Variants in LYRM1 observed in about 807,000 individuals in gnomAD.
LYRM1 encodes the protein LYR motif-containing protein 1.
A neutral mutation model predicts 14.9 loss-of-function variants in LYRM1; 14 were observed. The ratio of observed to expected loss-of-function variants is 0.94; its 90% CI spans 0.62 to 1.47. The LOEUF (loss-of-function observed/expected upper bound fraction) is 1.47. LYRM1 is among the 40% of genes most tolerant of loss of function. The pLI, the probability that LYRM1 is intolerant of heterozygous loss-of-function variation, is 0.00. For synonymous variants in LYRM1, 43 were observed against 56.2 expected (o/e 0.77, Z 1.05); for missense variants, 153 against 149.9 (o/e 1.02, Z -0.11).
intron 1 of LYRM1, among the ~76,000 whole-genome samples, chr16:20,902,940 G>A (rs920887322): frequency 4.6e-5 from 7 of 152,108 alleles, no homozygotes; most frequent in African/African-American, 1.7e-4. Flanking sequence ...TGCCACTGCT[G>A]CCAAGCCCAC....
At chr16:20,912,938 C>T (rs1250530940) in intron 1 of LYRM1, among the ~76,000 whole-genome samples, 6 of 151,764 alleles carry the variant, frequency 4.0e-5, no homozygotes, top group Non-Finnish European at 7.4e-5. Flanking sequence ...TGATGGTGCG[C>T]ACCTGTAATC....
chr16:20,909,112 G>A (rs1301038152), intron 1 of LYRM1, among the ~76,000 whole-genome samples: 4 of 152,068 alleles, frequency 2.6e-5, no homozygotes, highest in Admixed American at 1.3e-4. Context: ...TGGCATTAGG[G>A]GACACATCTC....
At chr16:20,915,499 C>T in intron 1 of LYRM1, 57 bp from the exon 2 acceptor site, 1 of 1,505,088 alleles carries the variant, frequency 6.6e-7, no homozygotes, top group South Asian at 1.2e-5. Flanking sequence ...CCTGGTGCCT[C>T]CTGTCAAGTT....
intron 1 of LYRM1, among the ~76,000 whole-genome samples, chr16:20,912,953 C>T (rs2082670992): frequency 6.6e-6 from 1 of 151,834 alleles, no homozygotes; most frequent in South Asian, 2.1e-4. Context: ...GTAATCCCAG[C>T]TAATTGGGAG....
intron 1 of LYRM1, among the ~76,000 whole-genome samples, chr16:20,904,853 TG>T (rs1205828332): frequency 6.6e-6 from 1 of 151,922 alleles, no homozygotes; most frequent in Non-Finnish European, 1.5e-5. Flanking sequence ...AAGAGAAAAG[TG>T]CCCTGAGGGA....
intron 3 of LYRM1, among the ~76,000 whole-genome samples, chr16:20,923,651 C>G (rs1196183694): frequency 2.6e-5 from 4 of 152,182 alleles, no homozygotes; most frequent in African/African-American, 9.7e-5. Context: ...TTTGGATTCT[C>G]AACTTGCTAT....
intron 3 of LYRM1, chr16:20,921,720 A>G: frequency 9.3e-6 from 1 of 107,884 alleles, no homozygotes; most frequent in South Asian, 3.4e-4. Flanking sequence ...AAAAAAAAAA[A>G]AAAAAAAAAA....
In LYRM1 at chr16:20,923,295, T is replaced by A. The variant is rs1448285376; in HGVS notation, c.253-705T>A. On this transcript the variant is annotated intron_variant, in intron 3 of 3. Transcript: ENST00000567954. ...CAGGTGGATCACTTGAGGTCAGGAA[T>A]TCGAGACCAGCCTGGCTAACATGGC... 2.0e-5 allele frequency among the ~76,000 whole-genome samples: 3 copies of A among 151,996 alleles called. No homozygotes were observed. The East Asian group carries it at 5.8e-4, about 29-fold the overall frequency.
intron 1 of LYRM1, among the ~76,000 whole-genome samples, chr16:20,904,691 TTGTGTGTGTGTGTGTGTGTG>T (rs3841490): frequency 1.6e-4 from 22 of 141,148 alleles, no homozygotes; most frequent in African/African-American, 5.6e-4. Flanking sequence ...AAGTCTGTGG[TTGTGTGTGTGTGTGTGTGTG>T]TGTGTGTGTG....
intron 1 of LYRM1, among the ~76,000 whole-genome samples, chr16:20,911,948 G>A (rs774053939): frequency 2.0e-5 from 3 of 151,288 alleles, no homozygotes; most frequent in Non-Finnish European, 4.4e-5. Flanking sequence ...TTTGAGATGG[G>A]GTCTCACTCT....
chr16:20,909,271 GA>G (rs2082468184), intron 1 of LYRM1, among the ~76,000 whole-genome samples: 1 of 152,150 alleles, frequency 6.6e-6, no homozygotes, highest in Non-Finnish European at 1.5e-5. Flanking sequence ...TGATTTTTAA[GA>G]AAAGAGACCA....
At chr16:20,923,431 C>T (rs2083297582) in intron 3 of LYRM1, among the ~76,000 whole-genome samples, 2 of 145,820 alleles carry the variant, frequency 1.4e-5, no homozygotes, top group East Asian at 2.0e-4. Flanking sequence ...CCTGGGAGGC[C>T]GAGGTTGCAG....
rs530531381 is a variant in LYRM1 at position 20,921,500 on chromosome 16, A to G, written c.252+1286A>G. The G allele has an allele frequency of 2.6e-5, 4 of 152,112 alleles. No individual in the cohort carries two copies. In the East Asian group the frequency reaches 7.7e-4, roughly 29 times the overall value. The allele number at this position is 152,112 out of a possible 1,614,324, so 9.4% of individuals were successfully genotyped here. ...CTACAACCTCTGCCTTCCCAGTTCA[A>G]GTGATTCTCATTCCTCAACCTCTCG... is the stretch of plus-strand genomic sequence containing the variant. On this transcript the variant is annotated intron_variant, in intron 3 of 3. Coordinates refer to ENST00000567954, the MANE Select transcript of LYRM1 (RefSeq NM_001128302.3).
chr16:20,905,166 C>T (rs2082260135), intron 1 of LYRM1, among the ~76,000 whole-genome samples: 1 of 152,162 alleles, frequency 6.6e-6, no homozygotes, highest in African/African-American at 2.4e-5. Context: ...ATAAAAGAGA[C>T]CTCGTTGTTC....
In LYRM1 at chr16:20,913,901, C is replaced by T. The variant is rs537038015; in HGVS notation, c.1-1655C>T. 5.9e-5 allele frequency among the ~76,000 whole-genome samples: 9 copies of T among 152,000 alleles called. No homozygotes were observed. In the East Asian group the frequency reaches 9.7e-4, roughly 16 times the overall value. ...TCAGCTTACTGCAAGCTCCGCCTCC[C>T]GGGTTCATACCATTCTCCTGCCTCA... On this transcript the variant is annotated intron_variant, in intron 1 of 3. Transcript: ENST00000567954.
At chr16:20,914,836 G>C (rs2082792340) in intron 1 of LYRM1, among the ~76,000 whole-genome samples, 1 of 152,136 alleles carries the variant, frequency 6.6e-6, no homozygotes, top group African/African-American at 2.4e-5. Flanking sequence ...TTACCTGCCA[G>C]GCCGCAGAGG....
chr16:20,914,942 G>A (rs1461926253), intron 1 of LYRM1, among the ~76,000 whole-genome samples: 1 of 152,216 alleles, frequency 6.6e-6, no homozygotes, highest in Admixed American at 6.5e-5. Context: ...ATTCAGGTGA[G>A]TAATATAATT....
chr16:20,920,249 T>C (rs1270143346), intron 3 of LYRM1, 35 bp downstream of exon 3: 4 of 1,441,168 alleles, frequency 2.8e-6, no homozygotes, highest in Admixed American at 3.3e-5. Context: ...TGCTGGGTAC[T>C]TACCCTCATC....
chr16:20,914,044 G>A (rs563558707), intron 1 of LYRM1, among the ~76,000 whole-genome samples: 112 of 152,008 alleles, frequency 7.4e-4, no homozygotes, highest in African/African-American at 2.6e-3. Flanking sequence ...TCCTGACCTC[G>A]TGATCCACCC....
Sources: gnomAD v4.1 joint callset for allele counts (sites outside exome capture counted in the v4.1 genomes callset) on GRCh38, gnomAD v4.1.1 for gene constraint, MANE v1.5 for transcripts, NCBI Gene and HGNC (gene_info 2026-07-23, HGNC 2026-07-21) for gene names.